RELL2: variants seen among roughly 807,000 people sequenced by gnomAD.
The protein encoded by RELL2 is RELT-like protein 2.
A neutral mutation model predicts 27.5 loss-of-function variants in RELL2; 18 were observed. The observed-to-expected ratio is 0.65, with a 90% CI of 0.45 to 0.97. RELL2 has a LOEUF of 0.97. Ranked by LOEUF, RELL2 falls within the 50% of genes least tolerant of loss-of-function variation. The pLI, the probability that RELL2 is intolerant of heterozygous loss-of-function variation, is 0.00. For missense variants in RELL2, 370 were observed against 397.5 expected, an observed-to-expected ratio of 0.93 and a Z score of 0.59; for synonymous variants, 156 against 147.5, an observed-to-expected ratio of 1.06 and a Z score of -0.42.
Position 141,639,717 on chromosome 5 carries a change from A to G in RELL2, c.503+68A>G. On this transcript the variant is annotated intron_variant, in intron 4 of 6. Transcript: ENST00000297164. The surrounding 1 kb of genome is among the most constrained non-coding windows in gnomAD (Gnocchi z 4.4). ...CCCAGTGATCAGGCACCTGATCCCA[A>G]AAGTGGGCCTTGGCTCTTTCCTCCT... 1.4e-6 allele frequency: 2 copies of G among 1,470,028 alleles called. No homozygotes were observed. The highest frequency in any genetic ancestry group is 2.5e-5 in the South Asian group (2 of 79,676). 91.1% of individuals were successfully genotyped at this position (1,470,028 alleles called of 1,614,324 possible). A position where few individuals can be genotyped will look rare whatever the true frequency, so the allele number is the denominator to read the frequency against.
chr5:141,638,291 G>C lies in RELL2; in HGVS notation c.66G>C (p.Val22=). 6.2e-7 allele frequency: 1 copy of C among 1,614,018 alleles called. No individual in the cohort carries two copies. The highest frequency in any genetic ancestry group is 8.5e-7 in the Non-Finnish European group (1 of 1,180,000). ...QHGLYMLFLL[V]LVFFLMGLVG... ...GGCTATATATGCTCTTCCTGCTTGTGCTGGTCTTCTTCCTCATGGGCCTGG... is the reference window on the plus strand; with the variant it reads ...GGCTATATATGCTCTTCCTGCTTGTCCTGGTCTTCTTCCTCATGGGCCTGG... The change falls in exon 1 of 7, where the codon GTG becomes GTC. Residue 22 remains valine (V), a synonymous_variant. Transcript: ENST00000297164.
Position 141,640,452 on chromosome 5 carries a change from C to T in RELL2, c.*1+7C>T, listed in dbSNP as rs2099906722. ...GGAGCAGGGAGTATGTGAGGTGAGT[C>T]TGCCTGAGCCCTAAATGAGGTAATC... On this transcript the variant is annotated splice_region_variant and intron_variant, in intron 6 of 6. Coordinates refer to ENST00000297164, the MANE Select transcript of RELL2 (RefSeq NM_173828.5). 1 of 1,614,140 alleles carries T rather than the reference C, an allele frequency of 6.2e-7. No individual in the cohort carries two copies. Among genetic ancestry groups the T allele is most frequent in the Non-Finnish European group, 8.5e-7 (1 of 1,179,998 alleles).
chr5:141,639,580 G>A lies in RELL2; in HGVS notation c.434G>A (p.Arg145His), dbSNP rs146456008. 2.0e-4 allele frequency: 318 copies of A among 1,613,960 alleles called. No individual in the cohort carries two copies. The highest frequency in any genetic ancestry group is 2.4e-4 in the Non-Finnish European group (284 of 1,180,006). The change falls in exon 4 of 7, where the codon CGT becomes CAT. Residue 145 changes from arginine (R) to histidine (H), a missense_variant. Transcript: ENST00000297164. This position sits in a 1 kb window ranked among gnomAD's most constrained non-coding sequence, Gnocchi z 4.4. ...CSRSKRPPLV[R>H]QGRSKEGKSR... is the part of the protein sequence containing the mutation. ...CGCAGCAAGAGGCCTCCACTTGTCC[G>A]TCAGGGACGCTCCAAGGAAGGAAAA...
Position 141,638,860 on chromosome 5 carries a change from G to C in RELL2, c.250G>C (p.Ala84Pro). 1 of 1,614,024 alleles carries C rather than the reference G, an allele frequency of 6.2e-7. No homozygotes were observed. Among genetic ancestry groups the C allele is most frequent in the Non-Finnish European group, 8.5e-7 (1 of 1,179,852 alleles). ...RIVRCIIQNE[A>P]NAEALKEMLG... ...TGTTCGCTGCATCATCCAGAATGAA[G>C]GTGGGTCTAGCATAGCCCCTTGCTC... The change falls in exon 2 of 7, where the codon GCC becomes CCC. Residue 84 changes from alanine to proline, a missense_variant and splice_region_variant. Transcript: ENST00000297164.
In RELL2 at chr5:141,640,737, C is replaced by T. The variant is rs1337933957; in HGVS notation, c.*68C>T. On this transcript the variant is annotated 3_prime_UTR_variant, in exon 7 of 7. Coordinates refer to ENST00000297164, the MANE Select transcript of RELL2 (RefSeq NM_173828.5). Reference sequence around the variant, plus strand: ...GGGGGTGGGTGGGCGTGAAAGCCCTCCCCTCCACTGGACAGCACTGCCCCC... The same window carrying T: ...GGGGGTGGGTGGGCGTGAAAGCCCTTCCCTCCACTGGACAGCACTGCCCCC... 1 of 1,447,464 alleles carries T rather than the reference C, an allele frequency of 6.9e-7. No individual in the cohort carries two copies. Among genetic ancestry groups the T allele is most frequent in the African/African-American group, 1.4e-5 (1 of 71,268 alleles). 89.7% of individuals were successfully genotyped at this position (1,447,464 alleles called of 1,614,324 possible).
In RELL2 at chr5:141,640,155, C is replaced by G; in HGVS notation, c.739C>G (p.Leu247Val). Reference sequence around the variant, plus strand: ...GAATGGAGGACTCAGGGACAGCAGCCTAACCCCTCGTGCACTTGAAGGGAA... The same window carrying G: ...GAATGGAGGACTCAGGGACAGCAGCGTAACCCCTCGTGCACTTGAAGGGAA... ...VQNGGLRDSS[L>V]TPRALEGNPR... Residue 247 changes from leucine (L) to valine (V), a missense_variant, in exon 5 of 7, where the codon CTA (leucine) becomes GTA (valine). Physicochemically the swap from Leu to Val is conservative, Grantham distance 32. Transcript: ENST00000297164. The G allele has an allele frequency of 1.9e-6, 3 of 1,614,166 alleles. No individual in the cohort carries two copies. Among genetic ancestry groups the G allele is most frequent in the Non-Finnish European group, 2.5e-6 (3 of 1,180,008 alleles).
At position 141,637,235 on chromosome 5, in the gene RELL2, C is replaced by G. The variant is rs985802583; in HGVS notation, c.-991C>G. ...CTCGGAGAAGATTCCTGACTCTCCG[C>G]TCGGTCGGGGCATCTGAGGGCAGGA... On this transcript the variant is annotated 5_prime_UTR_variant, in exon 1 of 7. Transcript: ENST00000297164. The G allele has an allele frequency of 6.2e-6, 1 of 161,954 alleles. No individual in the cohort carries two copies. The highest frequency in any genetic ancestry group is 2.4e-5 in the African/African-American group (1 of 41,830). The allele number at this position is 161,954 out of a possible 1,614,324, so 10.0% of individuals were successfully genotyped here.
rs1294825610 is a variant in RELL2, at chr5:141,639,218, T to C, written c.317+197T>C. The stretch of plus-strand genomic sequence containing the variant: ...TCTCTCATCTAGATATCATCAAGCC[T>C]AACATTCACCTCTAGTGCCACTCCT... On this transcript the variant is annotated intron_variant, in intron 3 of 6. Transcript: ENST00000297164. The surrounding 1 kb of genome is among the most constrained non-coding windows in gnomAD (Gnocchi z 4.4). The C allele has an allele frequency of 1.6e-6, 1 of 619,480 alleles. No individual in the cohort carries two copies. The highest frequency in any genetic ancestry group is 2.7e-5 in the East Asian group (1 of 36,396). The allele number at this position is 619,480 out of a possible 1,614,324, so 38.4% of individuals were successfully genotyped here.
At position 141,640,403 on chromosome 5, in the gene RELL2, T is replaced by C; in HGVS notation, c.880-9T>C. 6.2e-7 allele frequency: 1 copy of C among 1,614,112 alleles called. No individual in the cohort carries two copies. The highest frequency in any genetic ancestry group is 8.5e-7 in the Non-Finnish European group (1 of 1,179,996). ...GTCTCTCATTGTTGACCCCTCCCCT[T>C]TCTCTCAGGTGTCTCTACCACAGGG... is the stretch of plus-strand genomic sequence containing the variant. On this transcript the variant is annotated splice_polypyrimidine_tract_variant and intron_variant, in intron 5 of 6. Transcript: ENST00000297164.
intron 2 of RELL2, 45 bp downstream of exon 2, chr5:141,638,905 T>C: frequency 6.2e-7 from 1 of 1,613,140 alleles, no homozygotes; most frequent in Middle Eastern, 1.7e-4. Context: ...CAACCTTCTC[T>C]TGCCCTGACC....
Position 141,639,804 on chromosome 5 carries a change from C to T in RELL2, c.504-116C>T, listed in dbSNP as rs919709120. ...GTGCCCCACAATCTGAGAAGGCCTC[C>T]CCTACCTTAGGCCAGAGGGAAGTAG... On this transcript the variant is annotated intron_variant, in intron 4 of 6. Coordinates refer to ENST00000297164, the MANE Select transcript of RELL2 (RefSeq NM_173828.5). This position sits in a 1 kb window ranked among gnomAD's most constrained non-coding sequence, Gnocchi z 4.4. 2.3e-6 allele frequency: 3 copies of T among 1,318,808 alleles called. No individual in the cohort carries two copies. Among genetic ancestry groups the T allele is most frequent in the Admixed American group, 3.7e-5 (2 of 54,302 alleles). The allele number at this position is 1,318,808 out of a possible 1,614,324, so 81.7% of individuals were successfully genotyped here.
rs199871078 is a variant in RELL2, at chr5:141,638,386, C to T, written c.161C>T (p.Pro54Leu). 4 of 1,612,100 alleles carry T rather than the reference C, an allele frequency of 2.5e-6. No homozygotes were observed. In the African/African-American group the frequency reaches 5.3e-5, roughly 21 times the overall value. ...TGCCGCACGTCGAGGGGCTCTGAGC[C>T]TGACGATGCCCAGCTTCAGCCCCGT... ...YRCRTSRGSE[P>L]DDAQLQPPED... Residue 54 changes from proline to leucine, a missense_variant, in exon 1 of 7, where the codon CCT becomes CTT. Physicochemically the swap from Pro to Leu is moderately conservative, Grantham distance 98 (BLOSUM62 -3). Coordinates refer to ENST00000297164, the MANE Select transcript of RELL2 (RefSeq NM_173828.5).
Position 141,640,786 on chromosome 5 carries a change from C to G in RELL2, c.*117C>G. On this transcript the variant is annotated 3_prime_UTR_variant, in exon 7 of 7. Coordinates refer to ENST00000297164, the MANE Select transcript of RELL2 (RefSeq NM_173828.5). ...CCCAGCTGAGGGACCAGCTCTACTTCCACCTGGAGTTGCACAGTCTCAGGC... is the reference window on the plus strand; with the variant it reads ...CCCAGCTGAGGGACCAGCTCTACTTGCACCTGGAGTTGCACAGTCTCAGGC... 1.0e-6 allele frequency: 1 copy of G among 1,001,018 alleles called. No homozygotes were observed. Among genetic ancestry groups the G allele is most frequent in the African/African-American group, 1.6e-5 (1 of 61,506 alleles). 62.0% of individuals were successfully genotyped at this position (1,001,018 alleles called of 1,614,324 possible).
At chr5:141,640,390 T>C (rs2099906712) in intron 5 of RELL2, 22 bp from the exon 6 acceptor site, 1 of 1,614,082 alleles carries the variant, frequency 6.2e-7, no homozygotes, top group Admixed American at 1.7e-5. Context: ...CTCTCATTGT[T>C]GACCCCTCCC....
chr5:141,638,085 G>A lies in RELL2; in HGVS notation c.-141G>A. On this transcript the variant is annotated 5_prime_UTR_variant, in exon 1 of 7. Coordinates refer to ENST00000297164, the MANE Select transcript of RELL2 (RefSeq NM_173828.5). Reference sequence around the variant, plus strand: ...CGGACAGCTCCCTGGTTGGGTAGGGGGTGGGGCCGGACCTCAGCCGGACGT... The same window carrying A: ...CGGACAGCTCCCTGGTTGGGTAGGGAGTGGGGCCGGACCTCAGCCGGACGT... The A allele has an allele frequency of 3.1e-6, 2 of 649,250 alleles. No individual in the cohort carries two copies. The highest frequency in any genetic ancestry group is 5.4e-6 in the Non-Finnish European group (2 of 367,342). 40.2% of individuals were successfully genotyped at this position (649,250 alleles called of 1,614,324 possible).
rs1353327834 is a variant in RELL2, at chr5:141,639,834, C to CA, written c.504-83dup. ...CCTTAGGCCAGAGGGAAGTAGCCAC[C>CA]AAACTCAGGATGTCCCTGGTCAGAG... On this transcript the variant is annotated intron_variant, in intron 4 of 6. Transcript: ENST00000297164. The surrounding 1 kb of genome is among the most constrained non-coding windows in gnomAD (Gnocchi z 4.4). 6.8e-7 allele frequency: 1 copy of CA among 1,471,526 alleles called. No homozygotes were observed. The highest frequency in any genetic ancestry group is 1.4e-5 in the African/African-American group (1 of 71,928). 91.2% of individuals were successfully genotyped at this position (1,471,526 alleles called of 1,614,324 possible).
intron 6 of RELL2, 44 bp from the exon 7 acceptor site, chr5:141,640,627 A>G (rs1398404728): frequency 6.5e-7 from 1 of 1,539,374 alleles, no homozygotes; most frequent in Non-Finnish European, 8.7e-7. Context: ...AGCTGGACAC[A>G]GCTTGAACAG....
At position 141,640,009 on chromosome 5, in the gene RELL2, G is replaced by C; in HGVS notation, c.593G>C (p.Gly198Ala). ...PTDRSWGSGGGQDPGGGQGSG... is the reference protein window; with the variant it reads ...PTDRSWGSGGAQDPGGGQGSG... Reference sequence around the variant, plus strand: ...GACAGGAGCTGGGGCTCTGGTGGGGGACAGGACCCAGGGGGTGGTCAGGGG... The same window carrying C: ...GACAGGAGCTGGGGCTCTGGTGGGGCACAGGACCCAGGGGGTGGTCAGGGG... The change falls in exon 5 of 7, where the codon GGA (glycine) becomes GCA (alanine). Residue 198 changes from glycine to alanine, a missense_variant. Coordinates refer to ENST00000297164, the MANE Select transcript of RELL2 (RefSeq NM_173828.5). The C allele has an allele frequency of 3.7e-6, 6 of 1,613,604 alleles. No homozygotes were observed. Among genetic ancestry groups the C allele is most frequent in the Non-Finnish European group, 5.1e-6 (6 of 1,179,776 alleles).
At position 141,639,382 on chromosome 5, in the gene RELL2, G is replaced by T. The variant is rs1358985785; in HGVS notation, c.318-82G>T. ...AAATTGGGGCTTCTGGGGTTTTAAG[G>T]AGCATGCTGAAAGAACGTAAGAAAC... On this transcript the variant is annotated intron_variant, in intron 3 of 6. Transcript: ENST00000297164. This position sits in a 1 kb window ranked among gnomAD's most constrained non-coding sequence, Gnocchi z 4.4. 2 of 1,204,190 alleles carry T rather than the reference G, an allele frequency of 1.7e-6. No homozygotes were observed. The highest frequency in any genetic ancestry group is 2.3e-6 in the Non-Finnish European group (2 of 855,780). The allele number at this position is 1,204,190 out of a possible 1,614,324, so 74.6% of individuals were successfully genotyped here.
Sources: allele counts gnomAD v4.1 joint callset, GRCh38; gene constraint gnomAD v4.1.1; non-coding constraint Gnocchi (gnomAD v3.1); transcripts MANE v1.5; gene names NCBI Gene and HGNC (gene_info 2026-07-23, HGNC 2026-07-21).